MGRN1: variants seen among roughly 807,000 people sequenced by gnomAD.
MGRN1 encodes the protein mahogunin ring finger 1, also known as E3 ubiquitin-protein ligase MGRN1.
In MGRN1, 29 loss-of-function variants were observed where a neutral mutation model predicts 69.2. The observed-to-expected ratio is 0.42, with a 90% CI of 0.31 to 0.57. MGRN1 has a LOEUF of 0.57. Among genes scored for constraint, MGRN1 ranks in the 20% least tolerant of loss-of-function variants. MGRN1 has a pLI of 0.15. For synonymous variants in MGRN1, 470 were observed against 344.2 expected (o/e 1.37, Z -4.04); for missense variants, 998 against 796.2 (o/e 1.25, Z -3.05).
intron 9 of MGRN1, chr16:4,672,272 T>C (rs1334458653): frequency 9.0e-6 from 4 of 442,534 alleles, no homozygotes; most frequent in Non-Finnish European, 1.8e-5. Flanking sequence ...GTCTCAAACT[T>C]CTGATCTCAA....
In MGRN1 at chr16:4,636,468, A is replaced by G. The variant is rs553153275; in HGVS notation, c.88+11420A>G. On this transcript the variant is annotated intron_variant, in intron 1 of 16. Transcript: ENST00000262370. ...GACGGGCTCCGGGGGAGCTGGGGAC[A>G]TCCTTGTGTCTGGCGGTGGTGCCCT... Among the ~76,000 whole-genome samples, 12 of 151,836 alleles carry G rather than the reference A, an allele frequency of 7.9e-5. No individual in the cohort carries two copies. In the East Asian group the frequency reaches 2.3e-3, roughly 29 times the overall value.
Position 4,658,305 on chromosome 16 carries a change from G to C in MGRN1, c.561+942G>C, listed in dbSNP as rs1318943767. ...AATCCCAGCACTTTGGGAGGCCGAG[G>C]CAGGCGGATCACGAGGTCAGGAGAT... is the stretch of plus-strand genomic sequence containing the variant. On this transcript the variant is annotated intron_variant, in intron 5 of 16. Coordinates refer to ENST00000262370, the MANE Select transcript of MGRN1 (RefSeq NM_015246.4). 2.0e-5 allele frequency among the ~76,000 whole-genome samples: 3 copies of C among 151,686 alleles called. 1 individual carries two copies. Among genetic ancestry groups the C allele is most frequent in the Admixed American group, 6.6e-5 (1 of 15,240 alleles).
At position 4,681,668 on chromosome 16, in the gene MGRN1, C is replaced by T. The variant is rs749568005; in HGVS notation, c.1250C>T (p.Ser417Leu). Residue 417 changes from serine to leucine, a missense_variant, in exon 13 of 17, where the codon TCA becomes TTA. By Grantham distance (145) the Ser-to-Leu change is moderately radical. Coordinates refer to ENST00000262370, the MANE Select transcript of MGRN1 (RefSeq NM_015246.4). Reference protein sequence around the residue: ...SAPLYEEITYSGISDGLSQAS... With the variant: ...SAPLYEEITYLGISDGLSQAS... The stretch of plus-strand genomic sequence containing the variant: ...CCTCTTTATGAAGAAATCACCTATT[C>T]AGGCATCTCGGACGGCCTGTCCCAG... The T allele has an allele frequency of 6.2e-7, 1 of 1,613,518 alleles. No individual in the cohort carries two copies. Among genetic ancestry groups the T allele is most frequent in the Non-Finnish European group, 8.5e-7 (1 of 1,180,020 alleles).
At chr16:4,628,202 C>T (rs570463231) in intron 1 of MGRN1, among the ~76,000 whole-genome samples, 93 of 151,654 alleles carry the variant, frequency 6.1e-4, no homozygotes, top group South Asian at 1.7e-3. Context: ...CTGGCTAACA[C>T]GGTGAAACCC....
At chr16:4,668,440 C>G in intron 8 of MGRN1, 128 bp downstream of exon 8, 2 of 926,698 alleles carry the variant, frequency 2.2e-6, no homozygotes, top group South Asian at 1.6e-5. Flanking sequence ...CTCATACACA[C>G]TCATACACAT....
At chr16:4,641,114 T>G (rs868499217) in intron 1 of MGRN1, among the ~76,000 whole-genome samples, 3 of 152,316 alleles carry the variant, frequency 2.0e-5, no homozygotes, top group Middle Eastern at 3.4e-3. Context: ...TCCACCCCCT[T>G]GGCAGCGCTG....
chr16:4,684,402 A>G (rs572683272), intron 16 of MGRN1, among the ~76,000 whole-genome samples: 1 of 152,360 alleles, frequency 6.6e-6, no homozygotes, highest in African/African-American at 2.4e-5. Flanking sequence ...CAGACAGAGC[A>G]GGAGCAGGTA....
rs56334043 is a variant in MGRN1 at position 4,674,797 on chromosome 16, C to T, written c.955+1140C>T. 1.3e-4 allele frequency among the ~76,000 whole-genome samples: 19 copies of T among 148,696 alleles called. No homozygotes were observed. In the South Asian group the frequency reaches 2.6e-3, roughly 20 times the overall value. The stretch of plus-strand genomic sequence containing the variant: ...CTGGGATTACAGGCGCCCGCCACCG[C>T]GCCCGGCTAATTTTTTGTATTTTTA... On this transcript the variant is annotated intron_variant, in intron 10 of 16. Transcript: ENST00000262370.
chr16:4,657,255 C>T lies in MGRN1; in HGVS notation c.453C>T (p.Pro151=), dbSNP rs747615962. The T allele has an allele frequency of 1.2e-6, 2 of 1,613,910 alleles. No individual in the cohort carries two copies. The highest frequency in any genetic ancestry group is 1.7e-5 in the Admixed American group (1 of 60,008). ...EFLNGRAVYS[P]KSPSLQSETV... is the part of the protein sequence containing the mutation. ...TCCTGGCTCCCTGCAGATACAGCCC[C>T]AAGAGCCCCTCGCTACAGTCCGAGA... is the stretch of plus-strand genomic sequence containing the variant. Residue 151 remains proline, a synonymous_variant, in exon 5 of 17, where the codon CCC becomes CCT. Transcript: ENST00000262370.
chr16:4,684,870 C>T (rs1316662103), intron 16 of MGRN1, among the ~76,000 whole-genome samples: 3 of 152,228 alleles, frequency 2.0e-5, no homozygotes, highest in Non-Finnish European at 2.9e-5. Flanking sequence ...TGCCAGGCTT[C>T]ACCCGCTTCC....
chr16:4,638,628 C>G (rs755619534), intron 1 of MGRN1, among the ~76,000 whole-genome samples: 13 of 152,220 alleles, frequency 8.5e-5, no homozygotes, highest in African/African-American at 2.9e-4. Context: ...CTGCCACCCC[C>G]TCTGGCCTCC....
chr16:4,641,614 G>GT (rs1252179124), intron 1 of MGRN1, among the ~76,000 whole-genome samples: 2 of 151,384 alleles, frequency 1.3e-5, no homozygotes, highest in African/African-American at 4.9e-5. Flanking sequence ...TGCCTCCCAG[G>GT]TTCAAGTGAT....
intron 16 of MGRN1, chr16:4,687,525 C>CGGGG: frequency 4.1e-6 from 4 of 982,248 alleles, no homozygotes; most frequent in Middle Eastern, 1.1e-3. Flanking sequence ...AAAAAATACA[C>CGGGG]ACACACCCAC....
At chr16:4,641,112 C>G (rs2078146690) in intron 1 of MGRN1, among the ~76,000 whole-genome samples, 1 of 152,246 alleles carries the variant, frequency 6.6e-6, no homozygotes, top group South Asian at 2.1e-4. Flanking sequence ...CCTCCACCCC[C>G]TTGGCAGCGC....
At position 4,624,987 on chromosome 16, in the gene MGRN1, C is replaced by T. The variant is rs1343024102; in HGVS notation, c.27C>T (p.Ile9=). The change falls in exon 1 of 17, where the codon ATC becomes ATT. Residue 9 remains isoleucine (I), a synonymous_variant. Coordinates refer to ENST00000262370, the MANE Select transcript of MGRN1 (RefSeq NM_015246.4). The stretch of plus-strand genomic sequence containing the variant: ...TGGGCTCCATTCTCAGCCGCCGCAT[C>T]GCGGGGGTGGAGGACATCGACATCC... MGSILSRR[I]AGVEDIDIQA... is the part of the protein sequence containing the mutation. The T allele has an allele frequency of 2.6e-5, 41 of 1,557,702 alleles. No homozygotes were observed. The highest frequency in any genetic ancestry group is 3.4e-5 in the Non-Finnish European group (39 of 1,154,620).
intron 1 of MGRN1, among the ~76,000 whole-genome samples, chr16:4,626,577 G>A (rs539678928): frequency 1.8e-4 from 28 of 152,216 alleles, no homozygotes; most frequent in Non-Finnish European, 3.2e-4. Flanking sequence ...AGGAAGATAA[G>A]TGACTAGCTA....
chr16:4,625,225 G>A (rs1014187323), intron 1 of MGRN1, among the ~76,000 whole-genome samples, 177 bp downstream of exon 1: 1 of 152,138 alleles, frequency 6.6e-6, no homozygotes, highest in African/African-American at 2.4e-5. Flanking sequence ...TGGGGGCCCC[G>A]GAGGAACCTG....
chr16:4,659,120 C>T (rs2078618370), intron 5 of MGRN1: 1 of 151,894 alleles, frequency 6.6e-6, no homozygotes, highest in Admixed American at 6.6e-5. Flanking sequence ...CACTGCAGTC[C>T]AGTCTGAGCC....
intron 1 of MGRN1, among the ~76,000 whole-genome samples, chr16:4,635,634 C>G (rs986355468): frequency 1.3e-5 from 2 of 149,470 alleles, no homozygotes; most frequent in Non-Finnish European, 3.0e-5. Context: ...ACCCAGCTAA[C>G]TTTTTTTTCT....
Sources: gnomAD v4.1 joint callset for allele counts (sites outside exome capture counted in the v4.1 genomes callset) on GRCh38, gnomAD v4.1.1 for gene constraint, MANE v1.5 for transcripts, NCBI Gene and HGNC (gene_info 2026-07-23, HGNC 2026-07-21) for gene names.